Variants in OXR1 observed in about 807,000 individuals in gnomAD.
OXR1 encodes the protein oxidation resistance protein 1.
In OXR1, 41 loss-of-function variants were observed where a neutral mutation model predicts 104.6. The ratio of observed to expected loss-of-function variants is 0.39; its 90% confidence interval spans 0.31 to 0.51. The LOEUF is 0.51. Ranked by LOEUF, OXR1 falls within the 20% of genes least tolerant of loss-of-function variation. The pLI, the probability that OXR1 is intolerant of heterozygous loss-of-function variation, is 0.77. For synonymous variants in OXR1, 348 were observed against 348.4 expected (o/e 1.00, Z 0.01); for missense variants, 955 against 1,031.9 (o/e 0.93, Z 1.02).
chr8:106,692,880 A>G lies in OXR1; in HGVS notation c.675+3A>G, dbSNP rs199826868. ...GCAAATATATTACCAGTGGCAAGGTAAAGAATGACACTTTAGAGAAGACCT... is the reference window on the plus strand; with the variant it reads ...GCAAATATATTACCAGTGGCAAGGTGAAGAATGACACTTTAGAGAAGACCT... On this transcript the variant is annotated splice_donor_region_variant and intron_variant, in intron 7 of 16. Transcript: ENST00000517566. The G allele has an allele frequency of 1.3e-6, 2 of 1,585,546 alleles. No homozygotes were observed. Among genetic ancestry groups the G allele is most frequent in the East Asian group, 2.2e-5 (1 of 44,642 alleles).
chr8:106,348,386 C>T (rs1294221954), intron 1 of OXR1, among the ~76,000 whole-genome samples: 1 of 152,104 alleles, frequency 6.6e-6, no homozygotes, highest in Non-Finnish European at 1.5e-5. Flanking sequence ...TCGACTTGTC[C>T]CACGTTACTT....
At chr8:106,664,063 T>G (rs559984640) in intron 3 of OXR1, among the ~76,000 whole-genome samples, 4 of 152,338 alleles carry the variant, frequency 2.6e-5, no homozygotes, top group African/African-American at 9.6e-5. Flanking sequence ...CTCTACTTGA[T>G]CGGCAACCTC....
intron 3 of OXR1, among the ~76,000 whole-genome samples, chr8:106,648,249 T>C (rs936533490): frequency 1.3e-5 from 2 of 152,114 alleles, no homozygotes; most frequent in Non-Finnish European, 2.9e-5. Flanking sequence ...CTGACAGAGA[T>C]AGGAGCTGGG....
chr8:106,388,277 A>T (rs905409381), intron 2 of OXR1, among the ~76,000 whole-genome samples: 43 of 152,162 alleles, frequency 2.8e-4, no homozygotes, highest in African/African-American at 1.0e-3. Context: ...TTTGTGGCTA[A>T]CCCTATAGCA....
At chr8:106,432,458 G>A (rs1018498958) in intron 2 of OXR1, among the ~76,000 whole-genome samples, 5 of 152,118 alleles carry the variant, frequency 3.3e-5, no homozygotes, top group African/African-American at 1.2e-4. Flanking sequence ...AGAGCACACC[G>A]AGCACATTTC....
chr8:106,616,019 T>A, intron 3 of OXR1, among the ~76,000 whole-genome samples: 1 of 145,648 alleles, frequency 6.9e-6, no homozygotes, highest in Non-Finnish European at 1.5e-5. Flanking sequence ...TAATATCCAA[T>A]GAAACACCTT....
intron 1 of OXR1, among the ~76,000 whole-genome samples, chr8:106,280,969 C>T (rs1812255882): frequency 1.3e-5 from 2 of 152,016 alleles, no homozygotes; most frequent in South Asian, 4.2e-4. Flanking sequence ...CAGAGAAAGC[C>T]CCCTTTGGTT....
intron 11 of OXR1, among the ~76,000 whole-genome samples, chr8:106,728,396 A>G (rs777693777): frequency 2.6e-5 from 4 of 152,132 alleles, no homozygotes; most frequent in Non-Finnish European, 5.9e-5. Flanking sequence ...AGGTATCTAT[A>G]GATACCTTGA....
chr8:106,604,512 G>A (rs111889224), intron 3 of OXR1, among the ~76,000 whole-genome samples: 320 of 152,246 alleles, frequency 2.1e-3, no homozygotes, highest in African/African-American at 7.3e-3. Context: ...AATTCTATAG[G>A]TATTAAAGCT....
At chr8:106,499,949 A>G (rs1811674467) in intron 2 of OXR1, among the ~76,000 whole-genome samples, 1 of 152,196 alleles carries the variant, frequency 6.6e-6, no homozygotes, top group African/African-American at 2.4e-5. Flanking sequence ...GACGCTGAGA[A>G]GTGAATGCTA....
chr8:106,595,790 C>A (rs538950455), intron 3 of OXR1, among the ~76,000 whole-genome samples: 2 of 151,984 alleles, frequency 1.3e-5, no homozygotes, highest in Non-Finnish European at 2.9e-5. Flanking sequence ...ACTCCTAGAG[C>A]AGTATTCAAA....
At chr8:106,645,684 T>C (rs978474824) in intron 3 of OXR1, among the ~76,000 whole-genome samples, 2 of 152,152 alleles carry the variant, frequency 1.3e-5, no homozygotes, top group African/African-American at 4.8e-5. Flanking sequence ...CTGATTCACC[T>C]GGGGATATTA....
At chr8:106,653,783 G>A (rs1824825877) in intron 3 of OXR1, among the ~76,000 whole-genome samples, 1 of 151,796 alleles carries the variant, frequency 6.6e-6, no homozygotes, top group Non-Finnish European at 1.5e-5. Context: ...AATTGGAAGG[G>A]AAAAAACAAA....
chr8:106,464,912 A>G (rs1053900692), intron 2 of OXR1, among the ~76,000 whole-genome samples: 2 of 151,940 alleles, frequency 1.3e-5, no homozygotes, highest in African/African-American at 4.8e-5. Context: ...CATTCATTCA[A>G]TGAGCATTTA....
chr8:106,307,636 CTA>C (rs146463225), intron 1 of OXR1, among the ~76,000 whole-genome samples: 21 of 152,158 alleles, frequency 1.4e-4, no homozygotes, highest in African/African-American at 4.8e-4. Flanking sequence ...GGCAGGAACC[CTA>C]TGTGGATCTT....
At chr8:106,285,015 T>C (rs983220383) in intron 1 of OXR1, among the ~76,000 whole-genome samples, 2 of 152,134 alleles carry the variant, frequency 1.3e-5, no homozygotes, top group Admixed American at 6.6e-5. Flanking sequence ...ATGTGCACAA[T>C]GTGCAGGTTT....
chr8:106,747,657 A>G (rs2131601326), intron 16 of OXR1, among the ~76,000 whole-genome samples: 1 of 152,370 alleles, frequency 6.6e-6, no homozygotes, highest in African/African-American at 2.4e-5. Flanking sequence ...TTACTTAAAT[A>G]TTTGGATATC....
chr8:106,346,161 A>C (rs201302191), intron 1 of OXR1, among the ~76,000 whole-genome samples: 1 of 150,208 alleles, frequency 6.7e-6, no homozygotes, highest in East Asian at 2.0e-4. Flanking sequence ...ACAAATTTTC[A>C]GTAATATAAA....
chr8:106,436,674 C>G (rs1456234661), intron 2 of OXR1, among the ~76,000 whole-genome samples: 1 of 152,164 alleles, frequency 6.6e-6, no homozygotes, highest in Non-Finnish European at 1.5e-5. Flanking sequence ...TAATCTCCCT[C>G]TCTTCATCTC....
Sources: allele counts gnomAD v4.1 joint callset (sites outside exome capture counted in the v4.1 genomes callset), GRCh38; gene constraint gnomAD v4.1.1; transcripts MANE v1.5; gene names NCBI Gene and HGNC (gene_info 2026-07-23, HGNC 2026-07-21).